The following TULP4 variants were observed in gnomAD, a reference collection of about 807,000 sequenced individuals.
The protein encoded by TULP4 is tubby-related protein 4.
Under a neutral mutation model 129.0 loss-of-function variants are expected in TULP4, and 16 were observed. The observed-to-expected ratio is 0.12, with a 90% CI of 0.08 to 0.19. TULP4 has a LOEUF of 0.19. Ranked by LOEUF, TULP4 falls within the 10% of genes least tolerant of loss-of-function variation. TULP4 has a pLI of 1.00. For missense variants in TULP4, 1,842 were observed against 2,059.1 expected, an observed-to-expected ratio of 0.89 and a Z score of 2.04; for synonymous variants, 998 against 854.0, an observed-to-expected ratio of 1.17 and a Z score of -2.94.
intron 1 of TULP4, among the ~76,000 whole-genome samples, chr6:158,321,532 C>A (rs188144179): frequency 2.8e-4 from 43 of 152,220 alleles, no homozygotes; most frequent in East Asian, 2.3e-3. Flanking sequence ...GAACTCATTT[C>A]CCCCCGCCCC....
chr6:158,337,498 G>A (rs1780073484), intron 1 of TULP4, among the ~76,000 whole-genome samples: 2 of 152,294 alleles, frequency 1.3e-5, no homozygotes, highest in South Asian at 2.1e-4. Context: ...ATGCATCTGT[G>A]TGTGAAACAG....
intron 1 of TULP4, among the ~76,000 whole-genome samples, chr6:158,411,490 T>C (rs1562555030): frequency 6.6e-6 from 1 of 152,206 alleles, no homozygotes; most frequent in Admixed American, 6.5e-5. Flanking sequence ...GGATTCAGTT[T>C]TTCTAGTGAT....
At chr6:158,400,270 A>C (rs1394815533) in intron 1 of TULP4, among the ~76,000 whole-genome samples, 1 of 152,218 alleles carries the variant, frequency 6.6e-6, no homozygotes, top group East Asian at 1.9e-4. Flanking sequence ...CTGTCGGTTA[A>C]AAAAAGTTGA....
Position 158,503,620 on chromosome 6 carries a change from C to A in TULP4, c.3957C>A (p.Leu1319=), listed in dbSNP as rs1305073561. The A allele has an allele frequency of 6.2e-7, 1 of 1,614,072 alleles. No homozygotes were observed. The highest frequency in any genetic ancestry group is 1.1e-5 in the South Asian group (1 of 91,082). The change falls in exon 13 of 14, where the codon CTC becomes CTA. Residue 1319 remains leucine, a synonymous_variant. Coordinates refer to ENST00000367097, the MANE Select transcript of TULP4 (RefSeq NM_020245.5). The surrounding 1 kb of genome is among the most constrained non-coding windows in gnomAD (Gnocchi z 4.3). ...VETADNFQEV[L]SLTESPVPQR... ...CTGCAGACAACTTCCAGGAAGTCCT[C>A]TCCCTGACCGAAAGCCCAGTCCCCC...
chr6:158,330,323 C>G (rs1253904592), intron 1 of TULP4, among the ~76,000 whole-genome samples: 2 of 152,130 alleles, frequency 1.3e-5, no homozygotes, highest in Non-Finnish European at 2.9e-5. Context: ...TAATGAATGT[C>G]CAATAGGACC....
chr6:158,401,221 G>A lies in TULP4; in HGVS notation c.253-11844G>A, dbSNP rs1009762868. On this transcript the variant is annotated intron_variant, in intron 1 of 13. Transcript: ENST00000367097. ...CCCAAGTAGCTGGGATTACAGGCAC[G>A]CACCACCATGCCCAACTAATTTTGG... Among the ~76,000 whole-genome samples, 4 of 152,004 alleles carry A rather than the reference G, an allele frequency of 2.6e-5. No homozygotes were observed. In the East Asian group the frequency reaches 5.8e-4, roughly 22 times the overall value.
intron 12 of TULP4, 102 bp downstream of exon 12, chr6:158,498,914 G>T (rs1780387749): frequency 6.9e-7 from 1 of 1,457,834 alleles, no homozygotes; most frequent in Non-Finnish European, 9.4e-7. Flanking sequence ...TCTGCTACCT[G>T]GGTTTGGAAA....
At chr6:158,454,021 GCC>G (rs938075482) in intron 5 of TULP4, among the ~76,000 whole-genome samples, 6 of 107,128 alleles carry the variant, frequency 5.6e-5, no homozygotes, top group Non-Finnish European at 1.0e-4. Context: ...CCTCTGCACC[GCC>G]CCCCCCCAAG....
chr6:158,422,376 A>G (rs530598196), intron 2 of TULP4, among the ~76,000 whole-genome samples: 1 of 152,190 alleles, frequency 6.6e-6, no homozygotes, highest in Non-Finnish European at 1.5e-5. Context: ...TTTTCAACAA[A>G]TGGTGCTGAA....
chr6:158,362,829 A>G (rs1392683894), intron 1 of TULP4, among the ~76,000 whole-genome samples: 1 of 150,972 alleles, frequency 6.6e-6, no homozygotes, highest in Non-Finnish European at 1.5e-5. Context: ...TAATCCCAGC[A>G]CTTTGGGAGG....
intron 4 of TULP4, among the ~76,000 whole-genome samples, chr6:158,451,590 G>A (rs953502441): frequency 6.6e-6 from 1 of 152,216 alleles, no homozygotes; most frequent in Non-Finnish European, 1.5e-5. Flanking sequence ...TGCTCCGCAG[G>A]TGCAGCAAGC....
chr6:158,360,522 A>T (rs1200796233), intron 1 of TULP4, among the ~76,000 whole-genome samples: 1 of 152,202 alleles, frequency 6.6e-6, no homozygotes, highest in Admixed American at 6.5e-5. Context: ...CCATTGTTGG[A>T]AGGCAATGGC....
intron 1 of TULP4, among the ~76,000 whole-genome samples, chr6:158,373,887 T>C (rs1026522026): frequency 1.3e-5 from 2 of 152,168 alleles, no homozygotes; most frequent in Non-Finnish European, 2.9e-5. Context: ...AGGTTTCATA[T>C]GGGCGGGGAG....
At chr6:158,489,301 A>G (rs576562821) in intron 8 of TULP4, among the ~76,000 whole-genome samples, 2 of 152,366 alleles carry the variant, frequency 1.3e-5, no homozygotes, top group African/African-American at 4.8e-5. Context: ...TTGTGAGACA[A>G]CAGCACAGCC....
chr6:158,388,192 T>C (rs918101435), intron 1 of TULP4, among the ~76,000 whole-genome samples: 1 of 152,118 alleles, frequency 6.6e-6, no homozygotes, highest in African/African-American at 2.4e-5. Flanking sequence ...CTCTAATTCA[T>C]ATAGCACAAG....
intron 1 of TULP4, among the ~76,000 whole-genome samples, chr6:158,275,039 T>G (rs557431489): frequency 6.6e-6 from 1 of 152,306 alleles, no homozygotes; most frequent in East Asian, 1.9e-4. Context: ...AAGTAAGAAA[T>G]AAGAACAGGT....
At chr6:158,406,124 C>T (rs1777973311) in intron 1 of TULP4, among the ~76,000 whole-genome samples, 1 of 152,064 alleles carries the variant, frequency 6.6e-6, no homozygotes, top group South Asian at 2.1e-4. Context: ...GATTGACGGC[C>T]ACAGGTGACA....
intron 1 of TULP4, among the ~76,000 whole-genome samples, chr6:158,369,456 G>A (rs1429479109): frequency 2.6e-5 from 4 of 152,192 alleles, no homozygotes; most frequent in Non-Finnish European, 5.9e-5. Context: ...CCTTGATTAT[G>A]TCACTGCACT....
At position 158,503,418 on chromosome 6, in the gene TULP4, G is replaced by T; in HGVS notation, c.3755G>T (p.Ser1252Ile). The T allele has an allele frequency of 6.2e-7, 1 of 1,613,994 alleles. No individual in the cohort carries two copies. The highest frequency in any genetic ancestry group is 8.5e-7 in the Non-Finnish European group (1 of 1,180,030). Residue 1252 changes from serine to isoleucine, a missense_variant, in exon 13 of 14, where the codon AGT becomes ATT. Around this residue, in one of 5 missense-constraint regions of TULP4, gnomAD observed 1,089 missense variants for 987.1 expected, o/e 1.10. Coordinates refer to ENST00000367097, the MANE Select transcript of TULP4 (RefSeq NM_020245.5). The surrounding 1 kb of genome is among the most constrained non-coding windows in gnomAD (Gnocchi z 4.3). ...TACCCAGGAAGCAGCACGTGCTCTA[G>T]TTTACAGCTGCCACCTGTCGCCTTG... is the stretch of plus-strand genomic sequence containing the variant. ...PMYPGSSTCS[S>I]LQLPPVALHP...
Sources: allele counts gnomAD v4.1 joint callset (sites outside exome capture counted in the v4.1 genomes callset), GRCh38; gene constraint gnomAD v4.1.1; regional missense constraint gnomAD v4.1.1; non-coding constraint Gnocchi (gnomAD v3.1); transcripts MANE v1.5; gene names NCBI Gene and HGNC (gene_info 2026-07-23, HGNC 2026-07-21).